The following RMC1 variants were observed in gnomAD, a reference collection of about 807,000 sequenced individuals.
RMC1 encodes regulator of MON1-CCZ1, also known as regulator of MON1-CCZ1 complex.
A neutral mutation model predicts 95.5 loss-of-function variants in RMC1; 44 were observed. The ratio of observed to expected loss-of-function variants is 0.46; its 90% CI spans 0.36 to 0.59. RMC1 has a LOEUF of 0.59. Ranked by LOEUF, RMC1 falls within the 20% of genes least tolerant of loss-of-function variation. RMC1 has a pLI of 0.00. For missense variants in RMC1, 705 were observed against 819.6 expected, an observed-to-expected ratio of 0.86 and a Z score of 1.71; for synonymous variants, 320 against 303.6, an observed-to-expected ratio of 1.05 and a Z score of -0.56.
At chr18:23,523,601 T>TAGTCCTAGC (rs2058208219) in intron 10 of RMC1, among the ~76,000 whole-genome samples, 1 of 149,066 alleles carries the variant, frequency 6.7e-6, no homozygotes, top group Non-Finnish European at 1.5e-5. Context: ...CACATGCCTG[T>TAGTCCTAGC]AGTCCTAGCT....
rs778395007 is a variant in RMC1 at position 23,524,389 on chromosome 18, T to C, written c.1007-40T>C. 4 of 1,610,178 alleles carry C rather than the reference T, an allele frequency of 2.5e-6. No homozygotes were observed. In the African/African-American group the frequency reaches 5.3e-5, roughly 22 times the overall value. The stretch of plus-strand genomic sequence containing the variant: ...AGCGGAAACTGGGTTTGCTTTTTGT[T>C]TTCATCTTTTCCTGGTTTAGAATTT... On this transcript the variant is annotated intron_variant, in intron 11 of 19. Coordinates refer to ENST00000269221, the MANE Select transcript of RMC1 (RefSeq NM_013326.5).
chr18:23,512,043 C>T (rs2057873744), intron 5 of RMC1, among the ~76,000 whole-genome samples: 2 of 132,782 alleles, frequency 1.5e-5, no homozygotes, highest in Non-Finnish European at 3.1e-5. Flanking sequence ...TTTTCTGAGA[C>T]AGAGTCTCAC....
At chr18:23,513,067 T>C (rs940771102) in intron 5 of RMC1, among the ~76,000 whole-genome samples, 1 of 152,072 alleles carries the variant, frequency 6.6e-6, no homozygotes, top group South Asian at 2.1e-4. Flanking sequence ...GATTCTCCTG[T>C]CTCAGCTTCC....
intron 10 of RMC1, among the ~76,000 whole-genome samples, chr18:23,520,687 G>A (rs2058120410): frequency 6.6e-6 from 1 of 151,802 alleles, no homozygotes; most frequent in African/African-American, 2.4e-5. Flanking sequence ...CCAGGCTGGA[G>A]TGCAGTGGCA....
intron 5 of RMC1, among the ~76,000 whole-genome samples, chr18:23,512,582 A>T (rs2057891080): frequency 6.7e-6 from 1 of 149,630 alleles, no homozygotes; most frequent in South Asian, 2.1e-4. Context: ...CAGCACGCCC[A>T]ACTTAATTTT....
intron 3 of RMC1, 65 bp from the exon 4 acceptor site, chr18:23,507,920 C>A: frequency 6.8e-7 from 1 of 1,460,220 alleles, no homozygotes; most frequent in South Asian, 1.3e-5. Flanking sequence ...TGTAGTATGC[C>A]AACGTAGGTT....
At chr18:23,503,827 C>G (rs569285714) in intron 1 of RMC1, 107 bp downstream of exon 1, 123 of 933,966 alleles carry the variant, frequency 1.3e-4, no homozygotes, top group Non-Finnish European at 1.7e-4. Flanking sequence ...TGTCCTGTCC[C>G]GTCCCGTCCC....
intron 12 of RMC1, among the ~76,000 whole-genome samples, chr18:23,524,762 A>G (rs1365555766): frequency 1.3e-5 from 2 of 151,782 alleles, no homozygotes. Context: ...GGTGGATGGA[A>G]AGCCGGACTC....
At chr18:23,503,764 G>A (rs1315199847) in intron 1 of RMC1, 44 bp downstream of exon 1, 1 of 1,553,250 alleles carries the variant, frequency 6.4e-7, no homozygotes, top group Non-Finnish European at 8.7e-7. Context: ...CCCTGCCGGG[G>A]TCGTGGGCGC....
chr18:23,531,464 T>G (rs1256447958), intron 19 of RMC1, 161 bp from the exon 20 acceptor site: 21 of 1,381,898 alleles, frequency 1.5e-5, no homozygotes, highest in Non-Finnish European at 2.0e-5. Context: ...AGCTTTTGTA[T>G]TTGTCTCTCA....
intron 19 of RMC1, 22 bp from the exon 20 acceptor site, chr18:23,531,603 A>T (rs1369702075): frequency 1.2e-5 from 20 of 1,607,724 alleles, no homozygotes; most frequent in Non-Finnish European, 1.4e-5. Context: ...TCTAACTGGC[A>T]ATTAAATCTC....
At position 23,525,405 on chromosome 18, in the gene RMC1, G is replaced by A. The variant is rs138882238; in HGVS notation, c.1060+923G>A. Reference sequence around the variant, plus strand: ...TGGGCCTACAGGCGCACATCACCACGCCCAGTTAATTTATTATAATAATAA... The same window carrying A: ...TGGGCCTACAGGCGCACATCACCACACCCAGTTAATTTATTATAATAATAA... On this transcript the variant is annotated intron_variant, in intron 12 of 19. Transcript: ENST00000269221. Among the ~76,000 whole-genome samples the A allele has an allele frequency of 3.6e-3, 553 of 151,728 alleles. 3 individuals are homozygous for A. The highest frequency in any genetic ancestry group is 0.013 in the African/African-American group (518 of 41,328).
rs2057648048 is a variant in RMC1 at position 23,503,737 on chromosome 18, C to G, written c.102+17C>G. The stretch of plus-strand genomic sequence containing the variant: ...AACAAGCAGGTCCGGCGCGCCCGCG[C>G]TTCCTCCCCCGCGCGGCCCTGCCGG... On this transcript the variant is annotated intron_variant, in intron 1 of 19. Transcript: ENST00000269221. 1.3e-6 allele frequency: 2 copies of G among 1,579,074 alleles called. No homozygotes were observed. Among genetic ancestry groups the G allele is most frequent in the Non-Finnish European group, 8.6e-7 (1 of 1,163,788 alleles).
rs776689575 is a variant in RMC1, at chr18:23,504,326, C to T, written c.103-45C>T. 1.1e-5 allele frequency: 17 copies of T among 1,559,956 alleles called. No individual in the cohort carries two copies. In the East Asian group the frequency reaches 1.1e-4, roughly 10 times the overall value. On this transcript the variant is annotated intron_variant, in intron 1 of 19. Transcript: ENST00000269221. ...TGCGGGTTGGCTTCTGAGTTTAGAT[C>T]CTTTCAGAGTTCAGGCTGTTAACCT...
In RMC1 at chr18:23,509,182, AT is replaced by A; in HGVS notation, c.322-6del. 7.8e-7 allele frequency: 1 copy of A among 1,285,792 alleles called. No individual in the cohort carries two copies. The highest frequency in any genetic ancestry group is 1.0e-6 in the Non-Finnish European group (1 of 976,772). 79.6% of individuals were successfully genotyped at this position (1,285,792 alleles called of 1,614,324 possible). On this transcript the variant is annotated splice_polypyrimidine_tract_variant and intron_variant, in intron 4 of 19. Transcript: ENST00000269221. ...TATTAATTAAAAATATTTTTAAAAAATTTTTCTTAGACTAAGAATGCCAACA... is the reference window on the plus strand; with the variant it reads ...TATTAATTAAAAATATTTTTAAAAAATTTTCTTAGACTAAGAATGCCAACA...
At chr18:23,516,696 T>C (rs1189103664) in intron 7 of RMC1, among the ~76,000 whole-genome samples, 1 of 151,408 alleles carries the variant, frequency 6.6e-6, no homozygotes, top group Non-Finnish European at 1.5e-5. Flanking sequence ...CCAATTTATT[T>C]CTTAGTATCT....
intron 5 of RMC1, among the ~76,000 whole-genome samples, chr18:23,513,452 C>T (rs145519702): frequency 2.4e-4 from 37 of 152,324 alleles, no homozygotes; most frequent in Non-Finnish European, 4.4e-4. Context: ...TGTTGAGGGA[C>T]ATTTGGGTTG....
Position 23,531,697 on chromosome 18 carries a change from CA to C in RMC1, c.1968del (p.Phe657SerfsTer10). The C allele has an allele frequency of 6.2e-7, 1 of 1,607,808 alleles. No homozygotes were observed. The highest frequency in any genetic ancestry group is 8.5e-7 in the Non-Finnish European group (1 of 1,178,680). ...GACCAAGCTCTAATGAGGCCTACAA[CA>C]TTCTGAAATCACTTGCTGTTTTTTT... is the stretch of plus-strand genomic sequence containing the variant. ...FGDQALMRPTTF is the reference protein window; with the variant it reads ...FGDQALMRPTXF On this transcript the variant is annotated frameshift_variant, in exon 20 of 20. Transcript: ENST00000269221. LOFTEE classifies it high-confidence loss of function.
chr18:23,527,269 T>C (rs1313753194), intron 13 of RMC1, among the ~76,000 whole-genome samples: 1 of 147,370 alleles, frequency 6.8e-6, no homozygotes, highest in East Asian at 2.0e-4. Context: ...TTTGGTGGTA[T>C]ACACCTGTGG....
Sources: gnomAD v4.1 joint callset for allele counts (sites outside exome capture counted in the v4.1 genomes callset) on GRCh38, gnomAD v4.1.1 for gene constraint, MANE v1.5 for transcripts, NCBI Gene and HGNC (gene_info 2026-07-23, HGNC 2026-07-21) for gene names.